The following CCDC73 variants were observed in gnomAD, a reference collection of about 807,000 sequenced individuals.
CCDC73 encodes coiled-coil domain containing 73, also known as coiled-coil domain-containing protein 73.
CCDC73 carries 95 observed loss-of-function variants against 116.5 expected under a neutral mutation model. The observed-to-expected ratio is 0.82, with a 90% CI of 0.69 to 0.97. The LOEUF is 0.97. Among genes scored for constraint, CCDC73 ranks in the 50% least tolerant of loss-of-function variants. The pLI, the probability that CCDC73 is intolerant of heterozygous loss-of-function variation, is 0.00. For synonymous variants in CCDC73, 398 were observed against 401.3 expected (o/e 0.99, Z 0.10); for missense variants, 1,066 against 1,206.8 (o/e 0.88, Z 1.73).
At chr11:32,711,882 T>C (rs1336568644) in intron 3 of CCDC73, among the ~76,000 whole-genome samples, 1 of 152,170 alleles carries the variant, frequency 6.6e-6, no homozygotes, top group Non-Finnish European at 1.5e-5. Flanking sequence ...CAGAACACCA[T>C]GGGAGTCATC....
chr11:32,698,048 G>A (rs1157812587), intron 6 of CCDC73, among the ~76,000 whole-genome samples: 5 of 127,712 alleles, frequency 3.9e-5, no homozygotes, highest in Admixed American at 8.6e-5. Flanking sequence ...TTTTTGAGAC[G>A]GAGTCTCACT....
intron 9 of CCDC73, among the ~76,000 whole-genome samples, chr11:32,658,051 A>AC (rs1014049587): frequency 1.3e-5 from 2 of 150,250 alleles, no homozygotes; most frequent in African/African-American, 4.9e-5. Flanking sequence ...AGAAAAAAAA[A>AC]CCCCACAGCT....
chr11:32,745,262 C>T (rs1251569611), intron 2 of CCDC73, among the ~76,000 whole-genome samples: 5 of 152,134 alleles, frequency 3.3e-5, no homozygotes, highest in Non-Finnish European at 5.9e-5. Context: ...GCCCTGTGGT[C>T]TGAGAGACAG....
chr11:32,684,208 C>CG (rs933850032), intron 6 of CCDC73, among the ~76,000 whole-genome samples: 63 of 152,188 alleles, frequency 4.1e-4, no homozygotes, highest in African/African-American at 1.5e-3. Context: ...CATGCCACCA[C>CG]ACCTGGCTAA....
intron 13 of CCDC73, among the ~76,000 whole-genome samples, chr11:32,640,943 G>A (rs1855726845): frequency 6.6e-6 from 1 of 151,988 alleles, no homozygotes; most frequent in South Asian, 2.1e-4. Context: ...GTGAACCCAG[G>A]AGGCAGAGCT....
intron 9 of CCDC73, among the ~76,000 whole-genome samples, chr11:32,670,260 C>T (rs927197546): frequency 2.0e-5 from 3 of 152,166 alleles, no homozygotes; most frequent in Non-Finnish European, 4.4e-5. Context: ...CAGTGGCTCA[C>T]ACCTGTAATC....
At chr11:32,606,673 A>C (rs905192913) in intron 17 of CCDC73, among the ~76,000 whole-genome samples, 19 of 152,172 alleles carry the variant, frequency 1.2e-4, no homozygotes, top group African/African-American at 4.3e-4. Context: ...AAGAGCCACA[A>C]TATCTAGCCT....
At chr11:32,783,410 T>C (rs1409998942) in intron 1 of CCDC73, among the ~76,000 whole-genome samples, 2 of 152,178 alleles carry the variant, frequency 1.3e-5, no homozygotes, top group Non-Finnish European at 2.9e-5. Flanking sequence ...GAGAAAGGCA[T>C]GGGATCCAGG....
At chr11:32,644,294 T>C (rs1418936618) in intron 12 of CCDC73, among the ~76,000 whole-genome samples, 1 of 151,970 alleles carries the variant, frequency 6.6e-6, no homozygotes, top group Non-Finnish European at 1.5e-5. Context: ...TGAGCACATA[T>C]AGACACAAAG....
the CCDC73 span, among the ~76,000 whole-genome samples, chr11:32,829,153 A>C: frequency 1.3e-5 from 2 of 152,234 alleles, no homozygotes; most frequent in South Asian, 4.1e-4. Context: ...CTGAGAACAA[A>C]TTTTATTAAT....
intron 7 of CCDC73, chr11:32,681,394 T>C (rs1358880275): frequency 2.0e-5 from 3 of 152,008 alleles, no homozygotes; most frequent in African/African-American, 7.2e-5. Flanking sequence ...ATGTTTTTAT[T>C]GCATCCTTTT....
At chr11:32,816,317 C>G in the CCDC73 span, among the ~76,000 whole-genome samples, 1 of 152,094 alleles carries the variant, frequency 6.6e-6, no homozygotes, top group Non-Finnish European at 1.5e-5. Flanking sequence ...CTCATGTTGC[C>G]CATGAGAGCT....
the CCDC73 span, among the ~76,000 whole-genome samples, chr11:32,808,837 C>G: frequency 6.6e-6 from 1 of 152,144 alleles, no homozygotes; most frequent in Non-Finnish European, 1.5e-5. Context: ...GCACACAGAA[C>G]TCTAATTTAT....
chr11:32,608,329 G>A (rs568836137), intron 17 of CCDC73, among the ~76,000 whole-genome samples: 1 of 152,310 alleles, frequency 6.6e-6, no homozygotes, highest in African/African-American at 2.4e-5. Context: ...GATACAAGGA[G>A]GGGTGGGGTA....
intron 12 of CCDC73, among the ~76,000 whole-genome samples, chr11:32,651,963 C>T (rs941467877): frequency 6.6e-6 from 1 of 152,222 alleles, no homozygotes; most frequent in African/African-American, 2.4e-5. Context: ...AGGGCAGTTC[C>T]TGCTCCTCCA....
intron 1 of CCDC73, among the ~76,000 whole-genome samples, chr11:32,774,565 A>G (rs1850517679): frequency 2.0e-5 from 3 of 152,180 alleles, no homozygotes; most frequent in Admixed American, 2.0e-4. Context: ...CTCAAAGAAT[A>G]CATGATGGCA....
At chr11:32,825,014 G>A in the CCDC73 span, among the ~76,000 whole-genome samples, 1 of 152,222 alleles carries the variant, frequency 6.6e-6, no homozygotes, top group African/African-American at 2.4e-5. Flanking sequence ...GAGCCCAGGA[G>A]GTTGAGGCTG....
At chr11:32,728,852 G>A (rs1018272943) in intron 2 of CCDC73, among the ~76,000 whole-genome samples, 4 of 152,030 alleles carry the variant, frequency 2.6e-5, no homozygotes, top group African/African-American at 9.7e-5. Flanking sequence ...CTACAGGAGT[G>A]CACCACCACA....
At chr11:32,757,275 T>C (rs2133374286) in intron 2 of CCDC73, among the ~76,000 whole-genome samples, 1 of 152,224 alleles carries the variant, frequency 6.6e-6, no homozygotes, top group East Asian at 1.9e-4. Context: ...GAACAGGGGC[T>C]GCCTCTGGAT....
Sources: gnomAD v4.1 joint callset for allele counts (sites outside exome capture counted in the v4.1 genomes callset) on GRCh38, gnomAD v4.1.1 for gene constraint, MANE v1.5 for transcripts, NCBI Gene and HGNC (gene_info 2026-07-23, HGNC 2026-07-21) for gene names.